The following PIEZO2 variants were observed in gnomAD, a reference collection of about 807,000 sequenced individuals.
PIEZO2 encodes piezo-type mechanosensitive ion channel component 2.
In PIEZO2, 172 loss-of-function variants were observed where a neutral mutation model predicts 337.3. The ratio of observed to expected loss-of-function variants is 0.51; its 90% CI spans 0.45 to 0.58. PIEZO2 has a LOEUF of 0.58. Among genes scored for constraint, PIEZO2 ranks in the 20% least tolerant of loss-of-function variants. PIEZO2 has a pLI of 0.00. For synonymous variants in PIEZO2, 1,251 were observed against 1,228.5 expected (o/e 1.02, Z -0.38); for missense variants, 3,028 against 3,391.3 (o/e 0.89, Z 2.66).
chr18:10,891,537 C>G (rs981474472), intron 4 of PIEZO2, among the ~76,000 whole-genome samples: 1 of 152,154 alleles, frequency 6.6e-6, no homozygotes, highest in Non-Finnish European at 1.5e-5. Flanking sequence ...GATGCAGACA[C>G]TAGGCATTGG....
intron 3 of PIEZO2, among the ~76,000 whole-genome samples, chr18:10,978,663 T>C (rs2034542353): frequency 6.6e-6 from 1 of 152,342 alleles, no homozygotes; most frequent in African/African-American, 2.4e-5. Flanking sequence ...TCCTTTTTAC[T>C]TTACAGGGAA....
rs1160077849 is a variant in PIEZO2, at chr18:10,781,455, G to A, written c.2493-1089C>T. Among the ~76,000 whole-genome samples, 1 of 143,076 alleles carries A rather than the reference G, an allele frequency of 7.0e-6. No homozygotes were observed. Among genetic ancestry groups the A allele is most frequent in the Non-Finnish European group, 1.5e-5 (1 of 66,372 alleles). 93.9% of individuals were successfully genotyped at this position (143,076 alleles called of 152,430 possible). ...ACTGCACTCCAGCTTGGGCAACAGA[G>A]CGAGACTCCGTTTCAAATAAAAAAA... is the stretch of plus-strand genomic sequence containing the variant. On this transcript the variant is annotated intron_variant, in intron 17 of 55. Coordinates refer to ENST00000674853, the MANE Select transcript of PIEZO2 (RefSeq NM_001378183.1). The surrounding 1 kb of genome is among the most constrained non-coding windows in gnomAD (Gnocchi z 4.1).
rs2145328635 is a variant in PIEZO2 at position 10,953,624 on chromosome 18, G to A, written c.286+25911C>T. On this transcript the variant is annotated intron_variant, in intron 3 of 55. Transcript: ENST00000674853. The surrounding 1 kb of genome is among the most constrained non-coding windows in gnomAD (Gnocchi z 5.2). ...CTGGCTTGATTACTGTGGTTTTATA[G>A]TGCTATGATGACCTCGTATTCACCT... Among the ~76,000 whole-genome samples the A allele has an allele frequency of 6.6e-6, 1 of 152,074 alleles. No homozygotes were observed. Among genetic ancestry groups the A allele is most frequent in the East Asian group, 1.9e-4 (1 of 5,168 alleles).
At chr18:10,911,678 A>G (rs558525369) in intron 3 of PIEZO2, among the ~76,000 whole-genome samples, 50 of 152,240 alleles carry the variant, frequency 3.3e-4, no homozygotes, top group African/African-American at 1.1e-3. Context: ...TCACTTGAAC[A>G]TGGAGGCAGA....
At position 11,001,770 on chromosome 18, in the gene PIEZO2, C is replaced by T. The variant is rs113379538; in HGVS notation, c.161-22110G>A. On this transcript the variant is annotated intron_variant, in intron 2 of 55. Coordinates refer to ENST00000674853, the MANE Select transcript of PIEZO2 (RefSeq NM_001378183.1). This position sits in a 1 kb window ranked among gnomAD's most constrained non-coding sequence, Gnocchi z 5.3. ...GCTCACACCTGTAACCCCAGCCACT[C>T]GGGAGGCTGAGGCATGAGAATAGCT... Among the ~76,000 whole-genome samples, 3 of 151,734 alleles carry T rather than the reference C, an allele frequency of 2.0e-5. No individual in the cohort carries two copies. The highest frequency in any genetic ancestry group is 1.9e-4 in the East Asian group (1 of 5,182).
At chr18:10,900,788 C>A (rs77317628) in intron 4 of PIEZO2, among the ~76,000 whole-genome samples, 1 of 152,142 alleles carries the variant, frequency 6.6e-6, no homozygotes, top group South Asian at 2.1e-4. Context: ...TAGACGTGCT[C>A]CTACTTCTGC....
Position 10,859,584 on chromosome 18 carries a change from C to T in PIEZO2, c.493-2373G>A, listed in dbSNP as rs922729039. Reference sequence around the variant, plus strand: ...CTTTCTGCTGGATCACCCCTGTTAACAGGCAAGGGCGCCTTGCTGTCTCAC... The same window carrying T: ...CTTTCTGCTGGATCACCCCTGTTAATAGGCAAGGGCGCCTTGCTGTCTCAC... On this transcript the variant is annotated intron_variant, in intron 5 of 55. Transcript: ENST00000674853. This position sits in a 1 kb window ranked among gnomAD's most constrained non-coding sequence, Gnocchi z 4.9. Among the ~76,000 whole-genome samples the T allele has an allele frequency of 6.6e-6, 1 of 152,248 alleles. No homozygotes were observed. The highest frequency in any genetic ancestry group is 1.5e-5 in the Non-Finnish European group (1 of 68,040).
chr18:10,846,190 A>G lies in PIEZO2; in HGVS notation c.917+9163T>C, dbSNP rs541244286. Among the ~76,000 whole-genome samples the G allele has an allele frequency of 5.9e-5, 9 of 152,330 alleles. No homozygotes were observed. The highest frequency in any genetic ancestry group is 2.2e-4 in the African/African-American group (9 of 41,578). ...ATTGGACTTACAGTTCCACATGGCT[A>G]GGGAGGCCTCACAATCATGGCAGAA... On this transcript the variant is annotated intron_variant, in intron 7 of 55. Transcript: ENST00000674853. The surrounding 1 kb of genome is among the most constrained non-coding windows in gnomAD (Gnocchi z 4.1).
At chr18:10,985,249 TTAAAAA>T (rs1187246563) in intron 2 of PIEZO2, among the ~76,000 whole-genome samples, 3 of 151,986 alleles carry the variant, frequency 2.0e-5, no homozygotes, top group African/African-American at 7.2e-5. Flanking sequence ...TACAAAAGTA[TTAAAAA>T]TAACTATAGT....
chr18:10,828,641 C>G lies in PIEZO2; in HGVS notation c.918-21367G>C, dbSNP rs1300454849. The stretch of plus-strand genomic sequence containing the variant: ...AATATTGGTTCTTCTCATACCAAAT[C>G]CTTATGCCAATAATAGCACCATGCG... On this transcript the variant is annotated intron_variant, in intron 7 of 55. Coordinates refer to ENST00000674853, the MANE Select transcript of PIEZO2 (RefSeq NM_001378183.1). This position sits in a 1 kb window ranked among gnomAD's most constrained non-coding sequence, Gnocchi z 4.1. 6.6e-6 allele frequency among the ~76,000 whole-genome samples: 1 copy of G among 152,116 alleles called. No homozygotes were observed. Among genetic ancestry groups the G allele is most frequent in the Non-Finnish European group, 1.5e-5 (1 of 68,024 alleles).
intron 2 of PIEZO2, among the ~76,000 whole-genome samples, chr18:11,061,878 T>C (rs2037973872): frequency 6.6e-6 from 1 of 152,146 alleles, no homozygotes; most frequent in Admixed American, 6.5e-5. Context: ...AAGCTACCAA[T>C]GACTTTCTTC....
At chr18:11,089,829 C>T (rs2039018365) in intron 1 of PIEZO2, among the ~76,000 whole-genome samples, 1 of 152,218 alleles carries the variant, frequency 6.6e-6, no homozygotes, top group Non-Finnish European at 1.5e-5. Context: ...CAGCTCTGTC[C>T]AACGAGCATT....
chr18:10,770,433 A>T, intron 20 of PIEZO2, 125 bp from the exon 21 acceptor site: 1 of 927,142 alleles, frequency 1.1e-6, no homozygotes, highest in Non-Finnish European at 1.6e-6. Flanking sequence ...GAATTCTAAG[A>T]AAACCAAAAT....
At chr18:10,961,284 T>C (rs1311245155) in intron 3 of PIEZO2, among the ~76,000 whole-genome samples, 1 of 110,486 alleles carries the variant, frequency 9.1e-6, no homozygotes, top group Non-Finnish European at 2.0e-5. Flanking sequence ...TGAATGAGAT[T>C]GGAGACTTAT....
intron 8 of PIEZO2, among the ~76,000 whole-genome samples, chr18:10,805,291 AT>A (rs1272488779): frequency 6.6e-6 from 1 of 152,242 alleles, no homozygotes; most frequent in Middle Eastern, 3.2e-3. Flanking sequence ...AGGCGAGTGA[AT>A]TACCTGAGCT....
At chr18:11,024,390 C>T (rs916535779) in intron 2 of PIEZO2, among the ~76,000 whole-genome samples, 12 of 151,488 alleles carry the variant, frequency 7.9e-5, no homozygotes, top group African/African-American at 1.9e-4. Context: ...CTAAAAAATA[C>T]AAAAAATTAG....
chr18:10,720,411 A>G (rs12455613), intron 36 of PIEZO2, among the ~76,000 whole-genome samples: 302 of 9,750 alleles, frequency 0.031, 7 homozygotes, highest in Non-Finnish European at 0.038. Context: ...GTGTATGTGT[A>G]TGTGTATGTA....
Position 10,677,127 on chromosome 18 carries a change from A to G in PIEZO2, c.8081+620T>C, listed in dbSNP as rs76767757. ...ACCTGGAAGAATAATGTCTGTCTCA[A>G]TGGAAGCCCCAGCGGGCCAGCACTT... On this transcript the variant is annotated intron_variant, in intron 53 of 55. Coordinates refer to ENST00000674853, the MANE Select transcript of PIEZO2 (RefSeq NM_001378183.1). This position sits in a 1 kb window ranked among gnomAD's most constrained non-coding sequence, Gnocchi z 4.1. Among the ~76,000 whole-genome samples, 1,036 of 152,330 alleles carry G rather than the reference A, an allele frequency of 6.8e-3. 37 individuals carry two copies. The East Asian group carries it at 0.11, about 15-fold the overall frequency.
Position 10,726,865 on chromosome 18 carries a change from C to T in PIEZO2, c.5029+4542G>A, listed in dbSNP as rs2036565454. The stretch of plus-strand genomic sequence containing the variant: ...CCTTATGCAGGACTTGGCACGCTAC[C>T]GGCAGCAGCTGAAGCACATCATGGC... On this transcript the variant is annotated intron_variant, in intron 36 of 55. Transcript: ENST00000674853. The surrounding 1 kb of genome is among the most constrained non-coding windows in gnomAD (Gnocchi z 5.9). 1.9e-6 allele frequency: 3 copies of T among 1,597,252 alleles called. No homozygotes were observed. The highest frequency in any genetic ancestry group is 1.3e-5 in the African/African-American group (1 of 74,310).
Sources: gnomAD v4.1 joint callset for allele counts (sites outside exome capture counted in the v4.1 genomes callset) on GRCh38, gnomAD v4.1.1 for gene constraint, Gnocchi (gnomAD v3.1) non-coding constraint, MANE v1.5 for transcripts, NCBI Gene and HGNC (gene_info 2026-07-23, HGNC 2026-07-21) for gene names.